Variants in ABCA8 observed in about 807,000 individuals in gnomAD.
The protein encoded by ABCA8 is ATP binding cassette subfamily A member 8.
A neutral mutation model predicts 192.3 loss-of-function variants in ABCA8; 177 were observed. The observed-to-expected ratio is 0.92, with a 90% CI of 0.81 to 1.04. The LOEUF is 1.04. ABCA8 is among the 50% of genes least tolerant of loss of function. The probability of loss-of-function intolerance (pLI) is 0.00; values close to 1 mark genes in which losing one functional copy is unlikely to be tolerated. For synonymous variants in ABCA8, 642 were observed against 690.2 expected (o/e 0.93, Z 1.09); for missense variants, 1,915 against 1,904.8 (o/e 1.01, Z -0.10).
rs771652105 is a variant in ABCA8, at chr17:68,884,336, G to C, written c.3610C>G (p.Leu1204Val). 5 of 1,580,290 alleles carry C rather than the reference G, an allele frequency of 3.2e-6. No individual in the cohort carries two copies. The East Asian group carries it at 1.1e-4, about 36-fold the overall frequency. ...RMDVQPFLVF[L>V]IPFLHFIIFL... ...AAAGAACAGTGTGTTCTTACAATTA[G>C]GAATACCAGAAATGGCTGTACATCC... Residue 1204 changes from leucine to valine, a missense_variant, in exon 28 of 40, where the codon CTA becomes GTA. Physicochemically the swap from Leu to Val is conservative, Grantham distance 32 (BLOSUM62 1). Transcript: ENST00000586539.
intron 37 of ABCA8, among the ~76,000 whole-genome samples, chr17:68,872,120 A>G (rs1265389995): frequency 6.6e-6 from 1 of 152,010 alleles, no homozygotes; most frequent in African/African-American, 2.4e-5. Flanking sequence ...TGCTATAAAG[A>G]CACATGCACA....
At chr17:68,887,654 A>C (rs948612582) in intron 24 of ABCA8, 148 bp from the exon 25 acceptor site, 15 of 638,416 alleles carry the variant, frequency 2.3e-5, no homozygotes, top group East Asian at 1.2e-4. Flanking sequence ...ATAGTTACAA[A>C]CATAAATAAC....
chr17:68,932,017 T>C, intron 7 of ABCA8: 1 of 248,538 alleles, frequency 4.0e-6, no homozygotes, highest in Non-Finnish European at 8.1e-6. Flanking sequence ...GAGACCATCC[T>C]GGCTAACACG....
chr17:68,943,339 C>G (rs1860445), intron 2 of ABCA8, among the ~76,000 whole-genome samples: 93,060 of 151,674 alleles, frequency 0.61, 29,787 homozygotes, highest in African/African-American at 0.79. Flanking sequence ...ACACGTATTT[C>G]CATATATATG....
rs548165082 is a variant in ABCA8, at chr17:68,907,190, G to A, written c.2278+550C>T. 1.6e-4 allele frequency among the ~76,000 whole-genome samples: 24 copies of A among 152,092 alleles called. No homozygotes were observed. The South Asian group carries it at 3.9e-3, about 25-fold the overall frequency. On this transcript the variant is annotated intron_variant, in intron 18 of 39. Transcript: ENST00000586539. ...GATGATTCTAAGGAATGCTTGTGTT[G>A]TCACCATAAAATGTGTATTTGAATG... is the stretch of plus-strand genomic sequence containing the variant.
intron 10 of ABCA8, among the ~76,000 whole-genome samples, chr17:68,925,991 T>A (rs1332951121): frequency 1.3e-5 from 2 of 152,170 alleles, no homozygotes; most frequent in African/African-American, 4.8e-5. Context: ...ATACTATGCT[T>A]TTGAAACTGG....
At chr17:68,933,320 A>G (rs781461105) in intron 5 of ABCA8, 49 bp from the exon 6 acceptor site, 1 of 1,215,304 alleles carries the variant, frequency 8.2e-7, no homozygotes, top group African/African-American at 1.5e-5. Flanking sequence ...TATCTATATT[A>G]TTGAAATATG....
intron 24 of ABCA8, among the ~76,000 whole-genome samples, chr17:68,889,898 G>A (rs2066584280): frequency 6.6e-6 from 1 of 152,154 alleles, no homozygotes. Flanking sequence ...CTGTTATACT[G>A]CTGAATAGTA....
intron 37 of ABCA8, among the ~76,000 whole-genome samples, chr17:68,870,951 A>C (rs919244543): frequency 6.6e-6 from 1 of 152,162 alleles, no homozygotes; most frequent in Non-Finnish European, 1.5e-5. Flanking sequence ...ACCATTTTGC[A>C]TTTCTACCAA....
Position 68,867,690 on chromosome 17 carries a change from A to G in ABCA8, c.*395T>C, listed in dbSNP as rs2065951956. The G allele has an allele frequency of 6.5e-6, 1 of 153,892 alleles. No individual in the cohort carries two copies. The highest frequency in any genetic ancestry group is 1.4e-5 in the Non-Finnish European group (1 of 69,292). The allele number at this position is 153,892 out of a possible 1,614,324, so 9.5% of individuals were successfully genotyped here. On this transcript the variant is annotated 3_prime_UTR_variant, in exon 40 of 40. Coordinates refer to ENST00000586539, the MANE Select transcript of ABCA8 (RefSeq NM_001288985.2). Reference sequence around the variant, plus strand: ...GAAAGTATCAACTTTACAAAGTATCATACACCTAGAAAAGTAAACATGAAT... The same window carrying G: ...GAAAGTATCAACTTTACAAAGTATCGTACACCTAGAAAAGTAAACATGAAT...
chr17:68,884,850 C>T, intron 27 of ABCA8: 1 of 985,314 alleles, frequency 1.0e-6, no homozygotes, highest in Non-Finnish European at 1.2e-6. Context: ...ATCTTGGGTG[C>T]TTCTTTAGAA....
At chr17:68,938,380 A>G (rs1422970013) in intron 4 of ABCA8, among the ~76,000 whole-genome samples, 1 of 152,138 alleles carries the variant, frequency 6.6e-6, no homozygotes, top group East Asian at 1.9e-4. Flanking sequence ...TCCAGGCATA[A>G]GATTAATAAT....
At chr17:68,895,704 G>T (rs1298254616) in intron 21 of ABCA8, among the ~76,000 whole-genome samples, 5 of 152,142 alleles carry the variant, frequency 3.3e-5, no homozygotes, top group African/African-American at 1.2e-4. Flanking sequence ...CCCAAGCCCA[G>T]TTCAGGGCTA....
At chr17:68,874,053 A>G (rs2066138330) in intron 37 of ABCA8, among the ~76,000 whole-genome samples, 1 of 152,190 alleles carries the variant, frequency 6.6e-6, no homozygotes. Context: ...GTTCACAAGG[A>G]GAACTGGGGG....
At chr17:68,887,883 TATATATATATATATATATATATATCC>T (rs1341875230) in intron 24 of ABCA8, among the ~76,000 whole-genome samples, 2 of 38,706 alleles carry the variant, frequency 5.2e-5, no homozygotes, top group Non-Finnish European at 7.7e-5. Context: ...CTCTCCTCCA[TATATATATATATATATATATATATCC>T]ATATATATAT....
chr17:68,884,614 G>C, intron 27 of ABCA8: 1 of 1,234,612 alleles, frequency 8.1e-7, no homozygotes. Context: ...CTAATCACCT[G>C]GCGAGAGAAT....
At chr17:68,876,367 A>T in intron 35 of ABCA8, 93 bp downstream of exon 35, 1 of 1,490,424 alleles carries the variant, frequency 6.7e-7, no homozygotes, top group Non-Finnish European at 9.3e-7. Flanking sequence ...TCTCCACAAA[A>T]GAGTTTAAGG....
chr17:68,915,513 C>A (rs556373630), intron 17 of ABCA8, among the ~76,000 whole-genome samples: 74 of 152,098 alleles, frequency 4.9e-4, no homozygotes, highest in Non-Finnish European at 8.8e-4. Flanking sequence ...GACAAACAGG[C>A]ATATGAAAAA....
At chr17:68,902,664 C>T (rs758843929) in intron 21 of ABCA8, 49 bp downstream of exon 21, 3 of 1,479,068 alleles carry the variant, frequency 2.0e-6, no homozygotes, top group Non-Finnish European at 2.8e-6. Context: ...TTTCTAAGTA[C>T]TGCTCTGAAC....
Sources: gnomAD v4.1 joint callset for allele counts (sites outside exome capture counted in the v4.1 genomes callset) on GRCh38, gnomAD v4.1.1 for gene constraint, MANE v1.5 for transcripts, NCBI Gene and HGNC (gene_info 2026-07-23, HGNC 2026-07-21) for gene names.